Variants in ANO5 observed in about 807,000 individuals in gnomAD.
ANO5 encodes the protein anoctamin 5, also known as anoctamin-5.
ANO5 carries 109 observed loss-of-function variants against 121.0 expected under a neutral mutation model. The observed-to-expected ratio is 0.90, with a 90% CI of 0.77 to 1.06. The LOEUF (loss-of-function observed/expected upper bound fraction) is 1.06, where lower values mean the gene tolerates loss of function less well. Among genes scored for constraint, ANO5 ranks in the 50% least tolerant of loss-of-function variants. ANO5 has a pLI of 0.00. For synonymous variants in ANO5, 406 were observed against 359.9 expected (o/e 1.13, Z -1.45); for missense variants, 1,064 against 1,078.5 (o/e 0.99, Z 0.19).
Position 22,221,157 on chromosome 11 carries a change from G to T in ANO5, c.241G>T (p.Asp81Tyr). ...IFFRDGIRQI[D>Y]FVLSYVDDVK... ...CTTCCGAGATGGGATTAGGCAAATT[G>T]ATTTTGTGCTTTCCTACGTTGATGA... The change falls in exon 5 of 22, where the codon GAT becomes TAT. Residue 81 changes from aspartate to tyrosine, a missense_variant. Coordinates refer to ENST00000324559, the MANE Select transcript of ANO5 (RefSeq NM_213599.3). The T allele has an allele frequency of 1.2e-6, 2 of 1,612,014 alleles. No individual in the cohort carries two copies. Among genetic ancestry groups the T allele is most frequent in the South Asian group, 1.1e-5 (1 of 91,016 alleles).
chr11:22,261,581 C>G (rs1352487437), intron 15 of ANO5: 1 of 156,666 alleles, frequency 6.4e-6, no homozygotes, highest in Admixed American at 6.2e-5. Context: ...AGGAGAATTG[C>G]TTGAACCTGG....
intron 17 of ANO5, among the ~76,000 whole-genome samples, chr11:22,268,505 A>C (rs1318033491): frequency 6.6e-6 from 1 of 152,152 alleles, no homozygotes; most frequent in Non-Finnish European, 1.5e-5. Flanking sequence ...AAACCCTAAT[A>C]TTGTTTCTAC....
intron 5 of ANO5, among the ~76,000 whole-genome samples, chr11:22,222,126 A>G (rs957146829): frequency 2.6e-5 from 4 of 151,930 alleles, no homozygotes; most frequent in African/African-American, 9.7e-5. Context: ...GATGGGGTAA[A>G]TGCTGCTTGC....
rs528273941 is a variant in ANO5 at position 22,225,864 on chromosome 11, C to T, written c.295-120C>T. The T allele has an allele frequency of 2.6e-5, 19 of 717,670 alleles. No individual in the cohort carries two copies. In the East Asian group the frequency reaches 5.2e-4, roughly 19 times the overall value. The allele number at this position is 717,670 out of a possible 1,614,324, so 44.5% of individuals were successfully genotyped here. A position where few individuals can be genotyped will look rare whatever the true frequency, so the allele number is the denominator to read the frequency against. ...CATTCAGATGGAGCATTTTTATATACAACCATGGGAGGGGCAGAGAGCCAT... is the reference window on the plus strand; with the variant it reads ...CATTCAGATGGAGCATTTTTATATATAACCATGGGAGGGGCAGAGAGCCAT... On this transcript the variant is annotated intron_variant, in intron 5 of 21. Transcript: ENST00000324559.
chr11:22,258,411 AG>A, intron 14 of ANO5, among the ~76,000 whole-genome samples: 1 of 152,342 alleles, frequency 6.6e-6, no homozygotes, highest in South Asian at 2.1e-4. Flanking sequence ...TCATTAATTC[AG>A]GACTCTCTTT....
chr11:22,247,626 T>A (rs1177344755), intron 9 of ANO5, among the ~76,000 whole-genome samples: 1 of 152,170 alleles, frequency 6.6e-6, no homozygotes, highest in African/African-American at 2.4e-5. Flanking sequence ...AGATACAGTT[T>A]ATAGGAATCT....
At chr11:22,218,015 A>C (rs529385854) in intron 3 of ANO5, among the ~76,000 whole-genome samples, 1 of 151,996 alleles carries the variant, frequency 6.6e-6, no homozygotes, top group East Asian at 1.9e-4. Flanking sequence ...GAATTTAGGA[A>C]AATTTACTTG....
At position 22,193,099 on chromosome 11, in the gene ANO5, C is replaced by T. The variant is rs1309462484; in HGVS notation, c.-394C>T. 5 of 1,097,644 alleles carry T rather than the reference C, an allele frequency of 4.6e-6. No individual in the cohort carries two copies. Among genetic ancestry groups the T allele is most frequent in the Non-Finnish European group, 5.6e-6 (5 of 895,742 alleles). 68.0% of individuals were successfully genotyped at this position (1,097,644 alleles called of 1,614,324 possible). On this transcript the variant is annotated 5_prime_UTR_variant, in exon 1 of 22. Coordinates refer to ENST00000324559, the MANE Select transcript of ANO5 (RefSeq NM_213599.3). ...AGGGCAGGAGTGGAAAGGATCCTGG[C>T]GAGCACCGGGAGGAGTGGCGGCTGC...
At chr11:22,209,983 A>G (rs574537251) in intron 2 of ANO5, among the ~76,000 whole-genome samples, 6 of 152,002 alleles carry the variant, frequency 3.9e-5, no homozygotes, top group African/African-American at 9.6e-5. Flanking sequence ...GCTGCACAGC[A>G]TATTTTTAGA....
Position 22,274,599 on chromosome 11 carries a change from A to G in ANO5, c.2266A>G (p.Ile756Val). The G allele has an allele frequency of 6.2e-7, 1 of 1,604,926 alleles. No individual in the cohort carries two copies. The highest frequency in any genetic ancestry group is 8.5e-7 in the Non-Finnish European group (1 of 1,173,418). ...TATTGTTGCATTTACGTCAGACATC[A>G]TTCCCCGTCTAGTTTACTACTATGC... ...AFIVAFTSDI[I>V]PRLVYYYAYS... Residue 756 changes from isoleucine (I) to valine (V), a missense_variant, in exon 20 of 22, where the codon ATT (isoleucine) becomes GTT (valine). By Grantham distance (29) the Ile-to-Val change is conservative. Transcript: ENST00000324559.
intron 9 of ANO5, among the ~76,000 whole-genome samples, chr11:22,240,530 G>A (rs575160031): frequency 2.4e-4 from 37 of 152,094 alleles, no homozygotes; most frequent in African/African-American, 8.9e-4. Flanking sequence ...GACACATTTT[G>A]GAAAATTAAT....
At chr11:22,259,980 A>G (rs186568729) in intron 15 of ANO5, among the ~76,000 whole-genome samples, 8 of 151,508 alleles carry the variant, frequency 5.3e-5, no homozygotes, top group African/African-American at 1.9e-4. Context: ...GACTCTATAT[A>G]TCTTTCTCAG....
intron 1 of ANO5, among the ~76,000 whole-genome samples, chr11:22,197,754 G>A (rs1851855754): frequency 6.6e-6 from 1 of 152,102 alleles, no homozygotes; most frequent in South Asian, 2.1e-4. Context: ...TCAGTCTTTA[G>A]GCTGGCTTTA....
In ANO5 at chr11:22,274,603, C is replaced by G; in HGVS notation, c.2270C>G (p.Pro757Arg). The change falls in exon 20 of 22, where the codon CCC (proline) becomes CGC (arginine). Residue 757 changes from proline to arginine, a missense_variant. Pro to Arg is a moderately radical substitution (Grantham distance 103). Coordinates refer to ENST00000324559, the MANE Select transcript of ANO5 (RefSeq NM_213599.3). Reference protein sequence around the residue: ...FIVAFTSDIIPRLVYYYAYST... With the variant: ...FIVAFTSDIIRRLVYYYAYST... ...GTTGCATTTACGTCAGACATCATTCCCCGTCTAGTTTACTACTATGCTTAC... is the reference window on the plus strand; with the variant it reads ...GTTGCATTTACGTCAGACATCATTCGCCGTCTAGTTTACTACTATGCTTAC... 1 of 1,606,926 alleles carries G rather than the reference C, an allele frequency of 6.2e-7. No homozygotes were observed. Among genetic ancestry groups the G allele is most frequent in the Non-Finnish European group, 8.5e-7 (1 of 1,174,644 alleles).
At chr11:22,255,268 T>A in intron 12 of ANO5, 103 bp from the exon 13 acceptor site, 2 of 903,614 alleles carry the variant, frequency 2.2e-6, no homozygotes, top group Non-Finnish European at 3.2e-6. Context: ...AATAGCCACC[T>A]GAAACATGTG....
intron 12 of ANO5, among the ~76,000 whole-genome samples, chr11:22,253,242 T>C (rs953670874): frequency 6.6e-6 from 1 of 151,998 alleles, no homozygotes; most frequent in Non-Finnish European, 1.5e-5. Context: ...ATCACAAAAG[T>C]CCGTAGAAAT....
intron 17 of ANO5, among the ~76,000 whole-genome samples, chr11:22,267,812 A>G (rs1304920102): frequency 6.6e-6 from 1 of 151,820 alleles, no homozygotes; most frequent in Non-Finnish European, 1.5e-5. Flanking sequence ...GTTCCCCTCT[A>G]TGTGTCTGTT....
At chr11:22,236,756 A>G (rs1853234617) in intron 8 of ANO5, among the ~76,000 whole-genome samples, 1 of 152,184 alleles carries the variant, frequency 6.6e-6, no homozygotes. Context: ...AAGCTCATAG[A>G]CTAGGACTCT....
chr11:22,222,402 A>G (rs7951981), intron 5 of ANO5, among the ~76,000 whole-genome samples: 105,062 of 151,690 alleles, frequency 0.69, 37,903 homozygotes, highest in Non-Finnish European at 0.81. Context: ...CTTTTCCAAT[A>G]ATCTTAGCTT....
Sources: allele counts gnomAD v4.1 joint callset (sites outside exome capture counted in the v4.1 genomes callset), GRCh38; gene constraint gnomAD v4.1.1; transcripts MANE v1.5; gene names NCBI Gene and HGNC (gene_info 2026-07-23, HGNC 2026-07-21).